Variants in GALNTL6 observed in about 807,000 individuals in gnomAD.
GALNTL6 encodes polypeptide N-acetylgalactosaminyltransferase like 6, also known as polypeptide N-acetylgalactosaminyltransferase-like 6.
Under a neutral mutation model 73.7 loss-of-function variants are expected in GALNTL6, and 46 were observed. The observed-to-expected ratio is 0.62, with a 90% CI of 0.49 to 0.80. GALNTL6 has a LOEUF of 0.80. Ranked by LOEUF, GALNTL6 falls within the 30% of genes least tolerant of loss-of-function variation. The probability of loss-of-function intolerance (pLI) is 0.00; values close to 1 mark genes in which losing one functional copy is unlikely to be tolerated. For missense variants in GALNTL6, 604 were observed against 755.0 expected (o/e 0.80, Z 2.34); for synonymous variants, 259 against 263.7 (o/e 0.98, Z 0.17).
At chr4:172,314,558 G>GAATATTTA (rs1176079257) in intron 4 of GALNTL6, among the ~76,000 whole-genome samples, 42 of 141,486 alleles carry the variant, frequency 3.0e-4, no homozygotes, top group African/African-American at 9.9e-4. Context: ...ACACAATGAA[G>GAATATTTA]AATATTTAAG....
Position 171,981,313 on chromosome 4 carries a change from C to T in GALNTL6, c.138+166595C>T, listed in dbSNP as rs1387113460. Among the ~76,000 whole-genome samples, 4 of 152,176 alleles carry T rather than the reference C, an allele frequency of 2.6e-5. No homozygotes were observed. The East Asian group carries it at 5.8e-4, about 22-fold the overall frequency. On this transcript the variant is annotated intron_variant, in intron 2 of 12. Transcript: ENST00000506823. ...AATTTAGACTGGCTCAGTGAATCCT[C>T]ATTGTTACATAAACAGTAGGGCAGA... is the stretch of plus-strand genomic sequence containing the variant.
At chr4:172,131,428 TACACACACACACACGC>T (rs1733492442) in intron 2 of GALNTL6, among the ~76,000 whole-genome samples, 1 of 138,976 alleles carries the variant, frequency 7.2e-6, no homozygotes, top group African/African-American at 2.7e-5. Context: ...TATATATATA[TACACACACACACACGC>T]ATATATATTT....
In GALNTL6 at chr4:172,452,572, C is replaced by T. The variant is rs376666909; in HGVS notation, c.553+103883C>T. Among the ~76,000 whole-genome samples, 6 of 152,278 alleles carry T rather than the reference C, an allele frequency of 3.9e-5. No individual in the cohort carries two copies. In the East Asian group the frequency reaches 1.2e-3, roughly 29 times the overall value. ...GATGAATATCTTTTGTGGATAAAAT[C>T]TTTCTCTATTCTTAGGATACTCAGA... On this transcript the variant is annotated intron_variant, in intron 5 of 12. Coordinates refer to ENST00000506823, the MANE Select transcript of GALNTL6 (RefSeq NM_001034845.3).
At chr4:172,863,729 T>C (rs1561000096) in intron 7 of GALNTL6, among the ~76,000 whole-genome samples, 1 of 152,188 alleles carries the variant, frequency 6.6e-6, no homozygotes, top group Non-Finnish European at 1.5e-5. Flanking sequence ...ACTTTTGAGT[T>C]AATGCTGAAA....
chr4:172,119,920 T>C (rs1733100018), intron 2 of GALNTL6, among the ~76,000 whole-genome samples: 4 of 152,162 alleles, frequency 2.6e-5, no homozygotes, highest in Admixed American at 2.0e-4. Context: ...GACTTAAACA[T>C]TGTGCACCTC....
chr4:171,999,350 A>G (rs899598875), intron 2 of GALNTL6, among the ~76,000 whole-genome samples: 1 of 152,188 alleles, frequency 6.6e-6, no homozygotes, highest in African/African-American at 2.4e-5. Context: ...TGAAGAATAT[A>G]TTTCATAGAA....
intron 5 of GALNTL6, among the ~76,000 whole-genome samples, chr4:172,448,618 G>A (rs1415659887): frequency 6.6e-6 from 1 of 152,092 alleles, no homozygotes; most frequent in Non-Finnish European, 1.5e-5. Flanking sequence ...CGCTATCTGG[G>A]GAACGCTAGG....
intron 5 of GALNTL6, among the ~76,000 whole-genome samples, chr4:172,563,557 A>T (rs768580429): frequency 1.3e-5 from 2 of 152,226 alleles, no homozygotes; most frequent in Non-Finnish European, 2.9e-5. Flanking sequence ...TAGTTACTAT[A>T]CTCAAAGATG....
intron 3 of GALNTL6, among the ~76,000 whole-genome samples, chr4:172,276,451 T>G (rs1379721685): frequency 2.0e-5 from 3 of 152,232 alleles, no homozygotes; most frequent in Admixed American, 2.0e-4. Context: ...TATTTTAAAA[T>G]TCATTCTACT....
intron 2 of GALNTL6, among the ~76,000 whole-genome samples, chr4:171,898,328 C>T (rs1406660936): frequency 6.6e-6 from 1 of 152,110 alleles, no homozygotes; most frequent in African/African-American, 2.4e-5. Context: ...ATACACTTAG[C>T]ATGCGATTCA....
intron 10 of GALNTL6, among the ~76,000 whole-genome samples, chr4:172,967,176 A>G (rs1750369848): frequency 6.6e-6 from 1 of 152,194 alleles, no homozygotes. Context: ...TGTTTGTGTA[A>G]TTGATAACCT....
At chr4:172,841,709 C>G (rs370960316) in intron 7 of GALNTL6, among the ~76,000 whole-genome samples, 2 of 152,142 alleles carry the variant, frequency 1.3e-5, no homozygotes, top group Non-Finnish European at 2.9e-5. Flanking sequence ...CACTCACTAT[C>G]GCAAGAACAG....
chr4:172,869,406 T>G (rs1483551190), intron 7 of GALNTL6, among the ~76,000 whole-genome samples: 3 of 152,012 alleles, frequency 2.0e-5, no homozygotes, highest in African/African-American at 7.3e-5. Context: ...TCAGGAAAGA[T>G]CTACAAGGGA....
chr4:172,803,566 T>G (rs1260931968), intron 5 of GALNTL6, among the ~76,000 whole-genome samples: 1 of 152,314 alleles, frequency 6.6e-6, no homozygotes, highest in East Asian at 1.9e-4. Flanking sequence ...ACAAGAATAC[T>G]TCATAGGTGG....
At chr4:172,832,395 T>G (rs754310798) in intron 7 of GALNTL6, among the ~76,000 whole-genome samples, 4 of 152,224 alleles carry the variant, frequency 2.6e-5, no homozygotes, top group Non-Finnish European at 5.9e-5. Flanking sequence ...ATATTTTAAA[T>G]TAGACCATCC....
At chr4:173,038,302 C>T (rs554479781) in intron 12 of GALNTL6, among the ~76,000 whole-genome samples, 106 of 152,316 alleles carry the variant, frequency 7.0e-4, no homozygotes, top group African/African-American at 2.4e-3. Context: ...AAGGAGACTG[C>T]TGCCTGAGGA....
intron 5 of GALNTL6, among the ~76,000 whole-genome samples, chr4:172,584,741 T>TAC (rs780827663): frequency 5.9e-5 from 9 of 152,338 alleles, no homozygotes; most frequent in Admixed American, 5.9e-4. Context: ...GACATCCAAG[T>TAC]ACAGTCTGTA....
intron 5 of GALNTL6, among the ~76,000 whole-genome samples, chr4:172,578,639 T>C (rs185086627): frequency 6.6e-6 from 1 of 152,330 alleles, no homozygotes. Context: ...AAGAGCTGAT[T>C]TATTGAACAA....
intron 5 of GALNTL6, among the ~76,000 whole-genome samples, chr4:172,438,805 A>G (rs1335902769): frequency 6.6e-6 from 1 of 151,760 alleles, no homozygotes; most frequent in Non-Finnish European, 1.5e-5. Context: ...TTCTCCTCAT[A>G]CTTCTCGACT....
Sources: gnomAD v4.1 joint callset for allele counts (sites outside exome capture counted in the v4.1 genomes callset) on GRCh38, gnomAD v4.1.1 for gene constraint, MANE v1.5 for transcripts, NCBI Gene and HGNC (gene_info 2026-07-23, HGNC 2026-07-21) for gene names.